Variants in DYRK2 observed in about 807,000 individuals in gnomAD.
The protein encoded by DYRK2 is dual specificity tyrosine-phosphorylation-regulated kinase 2.
Under a neutral mutation model 41.6 loss-of-function variants are expected in DYRK2, and 12 were observed. That is an observed-to-expected ratio of 0.29 (90% CI 0.18 to 0.47). DYRK2 has a LOEUF of 0.47. Among genes scored for constraint, DYRK2 ranks in the 20% least tolerant of loss-of-function variants. The probability of loss-of-function intolerance (pLI) is 1.00; values close to 1 mark genes in which losing one functional copy is unlikely to be tolerated. For synonymous variants in DYRK2, 322 were observed against 315.7 expected, an observed-to-expected ratio of 1.02 and a Z score of -0.21; for missense variants, 678 against 798.4, an observed-to-expected ratio of 0.85 and a Z score of 1.82.
rs1317677917 is a variant in DYRK2, at chr12:67,659,127, G to T, written c.*414G>T. ...GCCCTCCTTTTCCCTCCATGCTCCA[G>T]GTCCATGCACAGGTGTAGCATGTCC... On this transcript the variant is annotated 3_prime_UTR_variant, in exon 3 of 3. Transcript: ENST00000344096. 2.9e-5 allele frequency: 5 copies of T among 172,292 alleles called. No individual in the cohort carries two copies. Among genetic ancestry groups the T allele is most frequent in the Non-Finnish European group, 2.8e-5 (2 of 71,944 alleles). 10.7% of individuals were successfully genotyped at this position (172,292 alleles called of 1,614,324 possible). A position where few individuals can be genotyped will look rare whatever the true frequency, so the allele number is the denominator to read the frequency against.
chr12:67,663,144 T>C lies in DYRK2; in HGVS notation c.*4431T>C, dbSNP rs566472727. On this transcript the variant is annotated 3_prime_UTR_variant, in exon 3 of 3. Coordinates refer to ENST00000344096, the MANE Select transcript of DYRK2 (RefSeq NM_006482.3). ...AGTTCCACCCAATGTTTTTTAATGC[T>C]TATGAGTTTGCAGTTTTTGTACTTG... 2 of 152,204 alleles carry C rather than the reference T, an allele frequency of 1.3e-5. No individual in the cohort carries two copies. The highest frequency in any genetic ancestry group is 4.2e-4 in the South Asian group (2 of 4,804). The allele number at this position is 152,204 out of a possible 1,614,324, so 9.4% of individuals were successfully genotyped here. A position where few individuals can be genotyped will look rare whatever the true frequency, so the allele number is the denominator to read the frequency against.
intron 2 of DYRK2, among the ~76,000 whole-genome samples, chr12:67,655,623 TCA>T (rs768275686): frequency 2.7e-4 from 41 of 152,318 alleles, no homozygotes; most frequent in Non-Finnish European, 5.3e-4. Flanking sequence ...GCCTATGAAG[TCA>T]CAGTCAGACA....
Position 67,657,467 on chromosome 12 carries a change from A to G in DYRK2, c.560A>G (p.Asn187Ser). ...CCTGAAATATATTTCTTGGGTCTAA[A>G]TGCTAAGAAGCGCCAGGGCATGACA... ...SYPEIYFLGL[N>S]AKKRQGMTGG... Residue 187 changes from asparagine (N) to serine (S), a missense_variant, in exon 3 of 3, where the codon AAT (asparagine) becomes AGT (serine). Asn to Ser is a conservative substitution (Grantham distance 46). This residue lies in a region of DYRK2 where 285 missense variants were observed against 279.2 expected (regional missense o/e 1.02). Transcript: ENST00000344096. The surrounding 1 kb of genome is among the most constrained non-coding windows in gnomAD (Gnocchi z 4.8). 3 of 1,614,150 alleles carry G rather than the reference A, an allele frequency of 1.9e-6. No homozygotes were observed. The highest frequency in any genetic ancestry group is 2.5e-6 in the Non-Finnish European group (3 of 1,180,024).
At chr12:67,652,790 G>A (rs1213202125) in intron 2 of DYRK2, 1 of 152,110 alleles carries the variant, frequency 6.6e-6, no homozygotes, top group African/African-American at 2.4e-5. Flanking sequence ...ATAAATTGTA[G>A]CTATTTTAAC....
rs1872676995 is a variant in DYRK2, at chr12:67,663,590, A to G, written c.*4877A>G. The G allele has an allele frequency of 6.6e-6, 1 of 152,136 alleles. No homozygotes were observed. The highest frequency in any genetic ancestry group is 1.5e-5 in the Non-Finnish European group (1 of 68,000). The allele number at this position is 152,136 out of a possible 1,614,324, so 9.4% of individuals were successfully genotyped here. The stretch of plus-strand genomic sequence containing the variant: ...GTTCACACCCAGTGCAAAAAACCCA[A>G]TCAGCAAACTAACCCCAAAATCCAA... On this transcript the variant is annotated 3_prime_UTR_variant, in exon 3 of 3. Transcript: ENST00000344096.
In DYRK2 at chr12:67,657,707, T is replaced by C; in HGVS notation, c.800T>C (p.Ile267Thr). The C allele has an allele frequency of 6.2e-7, 1 of 1,614,024 alleles. No homozygotes were observed. The highest frequency in any genetic ancestry group is 8.5e-7 in the Non-Finnish European group (1 of 1,179,998). ...KRFHRQAAEE[I>T]RILEHLRKQD... ...TTCCACCGGCAAGCAGCGGAGGAGA[T>C]CCGAATCCTGGAACACCTGCGGAAG... Residue 267 changes from isoleucine (I) to threonine (T), a missense_variant, in exon 3 of 3, where the codon ATC becomes ACC. Ile to Thr is a moderately conservative substitution (Grantham distance 89, BLOSUM62 -1). Coordinates refer to ENST00000344096, the MANE Select transcript of DYRK2 (RefSeq NM_006482.3). The surrounding 1 kb of genome is among the most constrained non-coding windows in gnomAD (Gnocchi z 4.8).
In DYRK2 at chr12:67,657,528, G is replaced by C. The variant is rs1872512263; in HGVS notation, c.621G>C (p.Gln207His). 6.2e-7 allele frequency: 1 copy of C among 1,614,086 alleles called. No individual in the cohort carries two copies. Among genetic ancestry groups the C allele is most frequent in the Admixed American group, 1.7e-5 (1 of 60,014 alleles). Residue 207 changes from glutamine (Q) to histidine (H), a missense_variant, in exon 3 of 3, where the codon CAG becomes CAC. Gln to His is a conservative substitution (Grantham distance 24). Coordinates refer to ENST00000344096, the MANE Select transcript of DYRK2 (RefSeq NM_006482.3). This position sits in a 1 kb window ranked among gnomAD's most constrained non-coding sequence, Gnocchi z 4.8. ...GPNNGGYDDD[Q>H]GSYVQVPHDH... ...ACAATGGTGGCTATGATGATGACCAGGGATCATATGTGCAGGTGCCCCACG... is the reference window on the plus strand; with the variant it reads ...ACAATGGTGGCTATGATGATGACCACGGATCATATGTGCAGGTGCCCCACG...
In DYRK2 at chr12:67,658,835, C is replaced by T. The variant is rs1276589742; in HGVS notation, c.*122C>T. On this transcript the variant is annotated 3_prime_UTR_variant, in exon 3 of 3. Coordinates refer to ENST00000344096, the MANE Select transcript of DYRK2 (RefSeq NM_006482.3). This position sits in a 1 kb window ranked among gnomAD's most constrained non-coding sequence, Gnocchi z 4.3. ...ATAACTCTACTCATTTGTATCTTTTCAGCACTTAATTTTAATGTAAGAAAG... is the reference window on the plus strand; with the variant it reads ...ATAACTCTACTCATTTGTATCTTTTTAGCACTTAATTTTAATGTAAGAAAG... The T allele has an allele frequency of 6.4e-6, 7 of 1,095,788 alleles. No homozygotes were observed. The Admixed American group carries it at 8.4e-5, about 13-fold the overall frequency. The allele number at this position is 1,095,788 out of a possible 1,614,324, so 67.9% of individuals were successfully genotyped here.
chr12:67,660,131 A>G lies in DYRK2; in HGVS notation c.*1418A>G, dbSNP rs1872583731. On this transcript the variant is annotated 3_prime_UTR_variant, in exon 3 of 3. Coordinates refer to ENST00000344096, the MANE Select transcript of DYRK2 (RefSeq NM_006482.3). ...TGAGCAATGATCTATATCAATTTCA[A>G]GGCACGTGAAAAAAATTTTTTAGTA... The G allele has an allele frequency of 6.0e-6, 1 of 167,060 alleles. No homozygotes were observed. Among genetic ancestry groups the G allele is most frequent in the Non-Finnish European group, 1.5e-5 (1 of 68,104 alleles). 10.3% of individuals were successfully genotyped at this position (167,060 alleles called of 1,614,324 possible). A position where few individuals can be genotyped will look rare whatever the true frequency, so the allele number is the denominator to read the frequency against.
rs1872543057 is a variant in DYRK2, at chr12:67,658,423, C to A, written c.1516C>A (p.Pro506Thr). The change falls in exon 3 of 3, where the codon CCC becomes ACC. Residue 506 changes from proline (P) to threonine (T), a missense_variant. Coordinates refer to ENST00000344096, the MANE Select transcript of DYRK2 (RefSeq NM_006482.3). This position sits in a 1 kb window ranked among gnomAD's most constrained non-coding sequence, Gnocchi z 4.3. ...WGNALKGCDD[P>T]LFLDFLKQCL... ...GAACGCGCTGAAGGGGTGTGATGATCCCCTTTTCCTTGACTTCTTAAAACA... is the reference window on the plus strand; with the variant it reads ...GAACGCGCTGAAGGGGTGTGATGATACCCTTTTCCTTGACTTCTTAAAACA... 1.3e-6 allele frequency: 2 copies of A among 1,592,416 alleles called. No homozygotes were observed. The highest frequency in any genetic ancestry group is 8.5e-7 in the Non-Finnish European group (1 of 1,169,838).
At chr12:67,650,547 C>T (rs1346415888) in intron 2 of DYRK2, among the ~76,000 whole-genome samples, 1 of 152,184 alleles carries the variant, frequency 6.6e-6, no homozygotes, top group African/African-American at 2.4e-5. Flanking sequence ...AACAAGCCAC[C>T]CCTGTAGGAT....
Position 67,664,047 on chromosome 12 carries a change from T to C in DYRK2, c.*5334T>C, listed in dbSNP as rs992081200. On this transcript the variant is annotated 3_prime_UTR_variant, in exon 3 of 3. Transcript: ENST00000344096. ...TTTTTTTCTTAAGTTTGAATTACAC[T>C]TGATTTCCTTTGGGTTATTAGGCAG... 5 of 152,148 alleles carry C rather than the reference T, an allele frequency of 3.3e-5. No homozygotes were observed. Among genetic ancestry groups the C allele is most frequent in the Non-Finnish European group, 7.4e-5 (5 of 68,006 alleles). 9.4% of individuals were successfully genotyped at this position (152,148 alleles called of 1,614,324 possible). A position where few individuals can be genotyped will look rare whatever the true frequency, so the allele number is the denominator to read the frequency against.
chr12:67,659,700 A>G lies in DYRK2; in HGVS notation c.*987A>G, dbSNP rs749730534. Reference sequence around the variant, plus strand: ...GGTGGGGATTTCCATAGTTCCAAAGAAGATTTAGCAGATTAGAGTGAGTTC... The same window carrying G: ...GGTGGGGATTTCCATAGTTCCAAAGGAGATTTAGCAGATTAGAGTGAGTTC... On this transcript the variant is annotated 3_prime_UTR_variant, in exon 3 of 3. Coordinates refer to ENST00000344096, the MANE Select transcript of DYRK2 (RefSeq NM_006482.3). 1.0e-4 allele frequency: 17 copies of G among 167,066 alleles called. No individual in the cohort carries two copies. Among genetic ancestry groups the G allele is most frequent in the Non-Finnish European group, 2.2e-4 (15 of 68,116 alleles). The allele number at this position is 167,066 out of a possible 1,614,324, so 10.3% of individuals were successfully genotyped here.
In DYRK2 at chr12:67,649,897, C is replaced by G; in HGVS notation, c.150C>G (p.Ile50Met). 7.3e-7 allele frequency: 1 copy of G among 1,378,258 alleles called. No individual in the cohort carries two copies. Among genetic ancestry groups the G allele is most frequent in the Non-Finnish European group, 9.3e-7 (1 of 1,071,800 alleles). The allele number at this position is 1,378,258 out of a possible 1,614,324, so 85.4% of individuals were successfully genotyped here. ...TGGGGACTGGCCCGCCCTCCCCCAT[C>G]GCCCTGCCGCCTCTCCGGGCCAGCA... The part of the protein sequence containing the change: ...SGVGTGPPSP[I>M]ALPPLRASNA... The change falls in exon 2 of 3, where the codon ATC becomes ATG. Residue 50 changes from isoleucine (I) to methionine (M), a missense_variant. Physicochemically the swap from Ile to Met is conservative, Grantham distance 10. Transcript: ENST00000344096.
At chr12:67,650,497 AATCAAC>A (rs1156363624) in intron 2 of DYRK2, among the ~76,000 whole-genome samples, 8 of 152,270 alleles carry the variant, frequency 5.3e-5, no homozygotes, top group African/African-American at 1.9e-4. Context: ...CAGAAATTGT[AATCAAC>A]ATTAACAAAA....
Position 67,658,349 on chromosome 12 carries a change from G to A in DYRK2, c.1442G>A (p.Arg481His), listed in dbSNP as rs777199119. ...GGCTCTGTGGTCCTAAACGGAGGCC[G>A]TTCCCGGAGGGGGAAACTGAGGGGC... Reference protein sequence around the residue: ...SDGSVVLNGGRSRRGKLRGPP... With the variant: ...SDGSVVLNGGHSRRGKLRGPP... The change falls in exon 3 of 3, where the codon CGT becomes CAT. Residue 481 changes from arginine (R) to histidine (H), a missense_variant. By Grantham distance (29) the Arg-to-His change is conservative. Transcript: ENST00000344096. The surrounding 1 kb of genome is among the most constrained non-coding windows in gnomAD (Gnocchi z 4.3). The A allele has an allele frequency of 2.5e-5, 40 of 1,612,016 alleles. No homozygotes were observed. The highest frequency in any genetic ancestry group is 8.4e-5 in the Admixed American group (5 of 59,706).
intron 2 of DYRK2, 84 bp downstream of exon 2, chr12:67,650,029 G>C (rs907234099): frequency 2.7e-5 from 34 of 1,243,268 alleles, no homozygotes; most frequent in Non-Finnish European, 2.8e-5. Context: ...GGGGTCTGAC[G>C]CCGGGAGAAG....
Position 67,658,821 on chromosome 12 carries a change from C to T in DYRK2, c.*108C>T. 1 of 1,220,976 alleles carries T rather than the reference C, an allele frequency of 8.2e-7. No homozygotes were observed. The highest frequency in any genetic ancestry group is 2.5e-5 in the East Asian group (1 of 39,554). 75.6% of individuals were successfully genotyped at this position (1,220,976 alleles called of 1,614,324 possible). ...TTTTTATTTGCTCAATAACTCTACT[C>T]ATTTGTATCTTTTCAGCACTTAATT... On this transcript the variant is annotated 3_prime_UTR_variant, in exon 3 of 3. Transcript: ENST00000344096. This position sits in a 1 kb window ranked among gnomAD's most constrained non-coding sequence, Gnocchi z 4.3.
In DYRK2 at chr12:67,649,126, C is replaced by G; in HGVS notation, c.-8C>G. On this transcript the variant is annotated 5_prime_UTR_variant, in exon 1 of 3. Coordinates refer to ENST00000344096, the MANE Select transcript of DYRK2 (RefSeq NM_006482.3). ...CAGCCCTGAAATGCATTTTCCTCTC[C>G]AGCGGCCATGTTAACCAGGAAACCT... 2 of 1,512,324 alleles carry G rather than the reference C, an allele frequency of 1.3e-6. No individual in the cohort carries two copies. Among genetic ancestry groups the G allele is most frequent in the Non-Finnish European group, 1.8e-6 (2 of 1,127,204 alleles). The allele number at this position is 1,512,324 out of a possible 1,614,324, so 93.7% of individuals were successfully genotyped here.
Sources: allele counts gnomAD v4.1 joint callset (sites outside exome capture counted in the v4.1 genomes callset), GRCh38; gene constraint gnomAD v4.1.1; regional missense constraint gnomAD v4.1.1; non-coding constraint Gnocchi (gnomAD v3.1); transcripts MANE v1.5; gene names NCBI Gene and HGNC (gene_info 2026-07-23, HGNC 2026-07-21).